The following MLLT3 variants were observed in gnomAD, a reference collection of about 807,000 sequenced individuals.
The protein encoded by MLLT3 is MLLT3 super elongation complex subunit.
In MLLT3, 4 loss-of-function variants were observed where a neutral mutation model predicts 53.2. That is an observed-to-expected ratio of 0.08 (90% CI 0.04 to 0.17). MLLT3 has a LOEUF of 0.17. MLLT3 is among the 10% of genes least tolerant of loss of function. The probability of loss-of-function intolerance (pLI) is 1.00; values close to 1 mark genes in which losing one functional copy is unlikely to be tolerated. For missense variants in MLLT3, 569 were observed against 684.0 expected (o/e 0.83, Z 1.87); for synonymous variants, 283 against 230.6 (o/e 1.23, Z -2.06).
intron 2 of MLLT3, among the ~76,000 whole-genome samples, chr9:20,521,124 C>T (rs1818046486): frequency 1.3e-5 from 2 of 151,534 alleles, no homozygotes; most frequent in African/African-American, 4.8e-5. Flanking sequence ...CAAGCTGGAG[C>T]ACAATGGGCG....
intron 2 of MLLT3, among the ~76,000 whole-genome samples, chr9:20,579,881 T>C (rs1331196123): frequency 6.6e-6 from 1 of 152,142 alleles, no homozygotes; most frequent in East Asian, 1.9e-4. Context: ...TTGTTTTCTC[T>C]AGGGGGAGAG....
intron 5 of MLLT3, among the ~76,000 whole-genome samples, chr9:20,397,778 A>G (rs1163696418): frequency 2.0e-5 from 3 of 152,116 alleles, no homozygotes; most frequent in Non-Finnish European, 2.9e-5. Flanking sequence ...TAATAATCTC[A>G]GCATCCCACA....
intron 4 of MLLT3, among the ~76,000 whole-genome samples, chr9:20,424,411 A>G (rs1390519842): frequency 2.0e-5 from 3 of 152,210 alleles, no homozygotes; most frequent in Admixed American, 2.0e-4. Context: ...AGAAAACTGC[A>G]AGATACTTCT....
intron 2 of MLLT3, among the ~76,000 whole-genome samples, chr9:20,457,333 C>CCG (rs2118862995): frequency 6.7e-6 from 1 of 149,354 alleles, no homozygotes; most frequent in South Asian, 2.2e-4. Flanking sequence ...ACCACAACCT[C>CCG]CGCCTCCCTG....
intron 2 of MLLT3, among the ~76,000 whole-genome samples, chr9:20,550,027 G>A (rs756889039): frequency 6.6e-6 from 1 of 152,112 alleles, no homozygotes; most frequent in Admixed American, 6.5e-5. Context: ...GCTAACTAAG[G>A]AATTGCTTCT....
At chr9:20,612,869 G>A (rs1402968088) in intron 2 of MLLT3, among the ~76,000 whole-genome samples, 1 of 152,078 alleles carries the variant, frequency 6.6e-6, no homozygotes, top group Non-Finnish European at 1.5e-5. Context: ...CCACTTTTTA[G>A]AGCAATCTGA....
intron 2 of MLLT3, among the ~76,000 whole-genome samples, chr9:20,521,658 C>T (rs1045199101): frequency 7.9e-5 from 12 of 151,950 alleles, no homozygotes; most frequent in African/African-American, 2.9e-4. Context: ...TATAGATGCT[C>T]TAAGCAGGAA....
At chr9:20,398,839 G>A (rs1822384455) in intron 5 of MLLT3, among the ~76,000 whole-genome samples, 1 of 151,920 alleles carries the variant, frequency 6.6e-6, no homozygotes, top group African/African-American at 2.4e-5. Context: ...TTAGTTTGTG[G>A]TCCTTGCTGC....
chr9:20,474,342 G>A (rs1444267679), intron 2 of MLLT3, among the ~76,000 whole-genome samples: 1 of 152,102 alleles, frequency 6.6e-6, no homozygotes, highest in East Asian at 1.9e-4. Flanking sequence ...AAATTAGCTT[G>A]TGTAGATATT....
chr9:20,606,504 A>G lies in MLLT3; in HGVS notation c.193+14150T>C, dbSNP rs375556251. Among the ~76,000 whole-genome samples, 3 of 152,274 alleles carry G rather than the reference A, an allele frequency of 2.0e-5. 1 individual carries two copies. The highest frequency in any genetic ancestry group is 7.2e-5 in the African/African-American group (3 of 41,572). On this transcript the variant is annotated intron_variant, in intron 2 of 10. Coordinates refer to ENST00000380338, the MANE Select transcript of MLLT3 (RefSeq NM_004529.4). ...GAGAATTACATTATACTCCATTTGA[A>G]CAGGCTACAAAGTACTTTTATTTGA...
intron 2 of MLLT3, among the ~76,000 whole-genome samples, chr9:20,616,383 T>G (rs1175497944): frequency 1.3e-5 from 2 of 152,206 alleles, no homozygotes; most frequent in East Asian, 1.9e-4. Flanking sequence ...AGCTACATGC[T>G]AATCCCTATT....
chr9:20,503,027 TA>T (rs1388302117), intron 2 of MLLT3, among the ~76,000 whole-genome samples: 1 of 151,942 alleles, frequency 6.6e-6, no homozygotes, highest in Admixed American at 6.5e-5. Flanking sequence ...CCAGAAACTA[TA>T]AAAGATTGAT....
intron 2 of MLLT3, among the ~76,000 whole-genome samples, chr9:20,616,181 T>C (rs1820830043): frequency 6.6e-6 from 1 of 152,152 alleles, no homozygotes; most frequent in Non-Finnish European, 1.5e-5. Flanking sequence ...AATAGTTCTA[T>C]TTTATCATCA....
intron 2 of MLLT3, among the ~76,000 whole-genome samples, chr9:20,464,515 G>A (rs998656427): frequency 1.3e-5 from 2 of 152,086 alleles, no homozygotes; most frequent in Non-Finnish European, 2.9e-5. Context: ...AGTACTGAGT[G>A]ACAAGTGCTA....
At chr9:20,455,772 A>C (rs920711908) in intron 3 of MLLT3, among the ~76,000 whole-genome samples, 1 of 152,134 alleles carries the variant, frequency 6.6e-6, no homozygotes, top group African/African-American at 2.4e-5. Flanking sequence ...AGTACTTTGC[A>C]TAAGTTTATT....
intron 2 of MLLT3, among the ~76,000 whole-genome samples, chr9:20,460,880 C>G (rs1177013792): frequency 1.3e-5 from 2 of 152,152 alleles, no homozygotes; most frequent in African/African-American, 4.8e-5. Context: ...AGTGTTGCCA[C>G]AGAGGAAATT....
chr9:20,393,898 T>A (rs891269980), intron 5 of MLLT3, among the ~76,000 whole-genome samples: 1 of 152,220 alleles, frequency 6.6e-6, no homozygotes, highest in African/African-American at 2.4e-5. Flanking sequence ...TAAACATATA[T>A]AATAAATTGG....
At chr9:20,522,140 A>G (rs1030608199) in intron 2 of MLLT3, among the ~76,000 whole-genome samples, 3 of 152,026 alleles carry the variant, frequency 2.0e-5, no homozygotes, top group African/African-American at 4.8e-5. Context: ...TTATTTAAAG[A>G]AAGATTCCCA....
At chr9:20,526,545 T>A (rs1247547320) in intron 2 of MLLT3, among the ~76,000 whole-genome samples, 8 of 152,228 alleles carry the variant, frequency 5.3e-5, no homozygotes, top group Non-Finnish European at 1.2e-4. Context: ...AGTTAGTTCA[T>A]ATTCACTAAT....
Sources: gnomAD v4.1 joint callset for allele counts (sites outside exome capture counted in the v4.1 genomes callset) on GRCh38, gnomAD v4.1.1 for gene constraint, MANE v1.5 for transcripts, NCBI Gene and HGNC (gene_info 2026-07-23, HGNC 2026-07-21) for gene names.